The following ADAM28 variants were observed in gnomAD, a reference collection of about 807,000 sequenced individuals.
ADAM28 encodes ADAM metallopeptidase domain 28.
A neutral mutation model predicts 101.2 loss-of-function variants in ADAM28; 105 were observed. The observed-to-expected ratio is 1.04, with a 90% CI of 0.89 to 1.22. The LOEUF (loss-of-function observed/expected upper bound fraction) is 1.22. ADAM28 is among the 50% of genes most tolerant of loss of function. The pLI, the probability that ADAM28 is intolerant of heterozygous loss-of-function variation, is 0.00. For missense variants in ADAM28, 1,028 were observed against 945.4 expected, an observed-to-expected ratio of 1.09 and a Z score of -1.15; for synonymous variants, 322 against 310.6, an observed-to-expected ratio of 1.04 and a Z score of -0.39.
chr8:24,315,271 C>A (rs75372865), intron 6 of ADAM28, among the ~76,000 whole-genome samples: 2,654 of 151,848 alleles, frequency 0.017, 83 homozygotes, highest in African/African-American at 0.06. Flanking sequence ...AATAGACAAA[C>A]TCTTAGGCAG....
At position 24,354,571 on chromosome 8, in the gene ADAM28, A is replaced by T; in HGVS notation, c.*167A>T. ...TTTGAAGAGACTAAAGAAAATTTTC[A>T]AGAGGAACATATGCCTGAGAACCTT... On this transcript the variant is annotated 3_prime_UTR_variant, in exon 23 of 23. Coordinates refer to ENST00000265769, the MANE Select transcript of ADAM28 (RefSeq NM_014265.6). 1.5e-6 allele frequency: 1 copy of T among 682,180 alleles called. No individual in the cohort carries two copies. The highest frequency in any genetic ancestry group is 2.3e-6 in the Non-Finnish European group (1 of 436,296). 42.3% of individuals were successfully genotyped at this position (682,180 alleles called of 1,614,324 possible).
chr8:24,329,028 TAAAG>T (rs1205399204), intron 10 of ADAM28, among the ~76,000 whole-genome samples: 1 of 151,994 alleles, frequency 6.6e-6, no homozygotes, highest in Non-Finnish European at 1.5e-5. Flanking sequence ...AACCATTATT[TAAAG>T]AAAGAAACCA....
intron 8 of ADAM28, among the ~76,000 whole-genome samples, chr8:24,322,379 T>C (rs906074208): frequency 1.3e-5 from 2 of 151,968 alleles, no homozygotes; most frequent in Non-Finnish European, 2.9e-5. Flanking sequence ...ATTGCTCTTA[T>C]AGTCTCAGCG....
chr8:24,329,886 T>TGA lies in ADAM28; in HGVS notation c.973-70_973-69dup, dbSNP rs1287352791. 3.6e-3 allele frequency: 2,039 copies of TGA among 563,002 alleles called. 4 individuals carry two copies. Among genetic ancestry groups the TGA allele is most frequent in the East Asian group, 9.1e-3 (279 of 30,788 alleles). 34.9% of individuals were successfully genotyped at this position (563,002 alleles called of 1,614,324 possible). ...GTGTGTGTTTGTGTGTGTGTGTGTG[T>TGA]GAGAGAGAGAGAGAGAGAGAGAGAG... is the stretch of plus-strand genomic sequence containing the variant. On this transcript the variant is annotated intron_variant, in intron 10 of 22. Coordinates refer to ENST00000265769, the MANE Select transcript of ADAM28 (RefSeq NM_014265.6).
chr8:24,314,190 A>T lies in ADAM28; in HGVS notation c.576+610A>T, dbSNP rs541518295. 1.2e-4 allele frequency among the ~76,000 whole-genome samples: 19 copies of T among 152,346 alleles called. No individual in the cohort carries two copies. The South Asian group carries it at 3.9e-3, about 32-fold the overall frequency. ...AACCACAAAGATATAAAGTATTATT[A>T]TTAATTTACTCTTGATTTTAGCCAA... is the stretch of plus-strand genomic sequence containing the variant. On this transcript the variant is annotated intron_variant, in intron 6 of 22. Coordinates refer to ENST00000265769, the MANE Select transcript of ADAM28 (RefSeq NM_014265.6).
chr8:24,351,468 C>T (rs1275065924), intron 20 of ADAM28, 158 bp downstream of exon 20: 1 of 770,732 alleles, frequency 1.3e-6, no homozygotes, highest in African/African-American at 1.7e-5. Context: ...CAAAAGAGTC[C>T]CTAAAATGCC....
chr8:24,338,261 T>C (rs918109200), intron 14 of ADAM28, among the ~76,000 whole-genome samples: 2 of 152,178 alleles, frequency 1.3e-5, no homozygotes, highest in African/African-American at 2.4e-5. Context: ...TCAATACAAT[T>C]TTTGCAGCTG....
intron 2 of ADAM28, chr8:24,300,735 G>A (rs1393706953): frequency 6.6e-6 from 1 of 152,118 alleles, no homozygotes. Context: ...ATTTTATGAT[G>A]ATTTATTCTA....
Position 24,339,581 on chromosome 8 carries a change from G to T in ADAM28, c.1670+13G>T, listed in dbSNP as rs371799583. 5.6e-6 allele frequency: 9 copies of T among 1,599,778 alleles called. No homozygotes were observed. The highest frequency in any genetic ancestry group is 2.2e-5 in the South Asian group (2 of 89,394). ...CCTGCAAAGCAAAGTAAGTGGCCTT[G>T]TCTGAACCTTCCTGCTTCACAGACT... On this transcript the variant is annotated intron_variant, in intron 15 of 22. Transcript: ENST00000265769.
At chr8:24,331,475 C>G (rs1223280711) in intron 12 of ADAM28, 148 bp downstream of exon 12, 1 of 797,068 alleles carries the variant, frequency 1.3e-6, no homozygotes, top group Non-Finnish European at 1.9e-6. Flanking sequence ...CCAGGAAAAT[C>G]TTTCTGACAA....
chr8:24,299,362 T>A (rs1050877472), intron 1 of ADAM28, among the ~76,000 whole-genome samples: 9 of 152,364 alleles, frequency 5.9e-5, no homozygotes, highest in African/African-American at 2.2e-4. Flanking sequence ...CTAATTTTCA[T>A]TTTTTAAATG....
rs1585773550 is a variant in ADAM28 at position 24,355,515 on chromosome 8, C to A, written c.*1111C>A. The A allele has an allele frequency of 6.6e-6, 1 of 150,812 alleles. No homozygotes were observed. The highest frequency in any genetic ancestry group is 2.4e-5 in the African/African-American group (1 of 41,304). The allele number at this position is 150,812 out of a possible 1,614,324, so 9.3% of individuals were successfully genotyped here. A position where few individuals can be genotyped will look rare whatever the true frequency, so the allele number is the denominator to read the frequency against. On this transcript the variant is annotated 3_prime_UTR_variant, in exon 23 of 23. Transcript: ENST00000265769. ...GAGATGATTTTATAATCCTCCCCCTCCCTTTTTTTTTTTGCTAGTAAGACG... is the reference window on the plus strand; with the variant it reads ...GAGATGATTTTATAATCCTCCCCCTACCTTTTTTTTTTTGCTAGTAAGACG...
At chr8:24,311,897 C>T (rs963981442) in intron 5 of ADAM28, among the ~76,000 whole-genome samples, 9 of 152,052 alleles carry the variant, frequency 5.9e-5, no homozygotes, top group Admixed American at 5.9e-4. Flanking sequence ...CGCCACCACA[C>T]CTGGCTAGGT....
chr8:24,323,033 G>A (rs1812086520), intron 8 of ADAM28, among the ~76,000 whole-genome samples: 1 of 151,892 alleles, frequency 6.6e-6, no homozygotes, highest in African/African-American at 2.4e-5. Flanking sequence ...TACATAATAT[G>A]GGTGGCTCAT....
chr8:24,309,757 CAAGAG>C lies in ADAM28; in HGVS notation c.151-136_151-132del, dbSNP rs1229630673. On this transcript the variant is annotated intron_variant, in intron 2 of 22. Transcript: ENST00000265769. The stretch of plus-strand genomic sequence containing the variant: ...TAGTTGCCAGAGTTGTTTGATCTGT[CAAGAG>C]GGGAAGAGGCAAGTATTTGGTATTA... The C allele has an allele frequency of 4.9e-6, 3 of 613,890 alleles. No homozygotes were observed. The African/African-American group carries it at 5.6e-5, about 12-fold the overall frequency. 38.0% of individuals were successfully genotyped at this position (613,890 alleles called of 1,614,324 possible). A position where few individuals can be genotyped will look rare whatever the true frequency, so the allele number is the denominator to read the frequency against.
rs139214842 is a variant in ADAM28, at chr8:24,309,573, T to C, written c.151-321T>C. On this transcript the variant is annotated intron_variant, in intron 2 of 22. Coordinates refer to ENST00000265769, the MANE Select transcript of ADAM28 (RefSeq NM_014265.6). ...AGATCATAAGCTCTCTGACAGTACG[T>C]ACCAATTTTTCTTGCTTAGAGTAGA... Among the ~76,000 whole-genome samples the C allele has an allele frequency of 9.1e-4, 138 of 152,318 alleles. 1 individual carries two copies. Among genetic ancestry groups the C allele is most frequent in the African/African-American group, 2.8e-3 (116 of 41,572 alleles).
chr8:24,308,416 T>C (rs1380649379), intron 2 of ADAM28, among the ~76,000 whole-genome samples: 2 of 152,176 alleles, frequency 1.3e-5, no homozygotes, highest in African/African-American at 2.4e-5. Context: ...TCCAAAAGCA[T>C]TTATTCTTTT....
intron 20 of ADAM28, among the ~76,000 whole-genome samples, 190 bp from the exon 21 acceptor site, chr8:24,351,797 T>G (rs1188244208): frequency 6.6e-6 from 1 of 152,232 alleles, no homozygotes. Flanking sequence ...TGATGAAAAC[T>G]TTTCATTACA....
At chr8:24,339,225 A>G (rs62502752) in intron 14 of ADAM28, among the ~76,000 whole-genome samples, 26,740 of 152,014 alleles carry the variant, frequency 0.18, 2,480 homozygotes, top group East Asian at 0.35. Flanking sequence ...AGTTTGTTAC[A>G]GAGTAACAGA....
Sources: gnomAD v4.1 joint callset for allele counts (sites outside exome capture counted in the v4.1 genomes callset) on GRCh38, gnomAD v4.1.1 for gene constraint, MANE v1.5 for transcripts, NCBI Gene and HGNC (gene_info 2026-07-23, HGNC 2026-07-21) for gene names.